LRR1: variants seen among roughly 807,000 people sequenced by gnomAD.
The protein encoded by LRR1 is leucine rich repeat protein 1.
Under a neutral mutation model 31.6 loss-of-function variants are expected in LRR1, and 29 were observed. That is an observed-to-expected ratio of 0.92 (90% CI 0.68 to 1.25). The LOEUF (loss-of-function observed/expected upper bound fraction) is 1.25. Ranked by LOEUF, LRR1 falls within the 50% of genes most tolerant of loss-of-function variation. LRR1 has a pLI of 0.00. For synonymous variants in LRR1, 179 were observed against 181.4 expected (o/e 0.99, Z 0.10); for missense variants, 485 against 487.2 (o/e 1.00, Z 0.04).
chr14:49,600,020 G>T, intron 1 of LRR1: 1 of 1,609,320 alleles, frequency 6.2e-7, no homozygotes, highest in Non-Finnish European at 8.5e-7. Context: ...GCGCGCTGAT[G>T]CTCAAGTGCG....
At position 49,614,569 on chromosome 14, in the gene LRR1, T is replaced by C. The variant is rs949492592; in HGVS notation, c.*73T>C. On this transcript the variant is annotated 3_prime_UTR_variant, in exon 4 of 4. Transcript: ENST00000298288. ...GCATGTATGATTTTGCAGCGTCAAA[T>C]TGGAGTAAGGGAAGATTTCTGTATA... 8 of 1,587,176 alleles carry C rather than the reference T, an allele frequency of 5.0e-6. No homozygotes were observed. The highest frequency in any genetic ancestry group is 2.7e-5 in the African/African-American group (2 of 74,430).
intron 3 of LRR1, among the ~76,000 whole-genome samples, chr14:49,610,945 A>C (rs1179418568): frequency 6.6e-6 from 1 of 152,208 alleles, no homozygotes; most frequent in Non-Finnish European, 1.5e-5. Flanking sequence ...TAGAAAGATC[A>C]TATTTCAAAT....
intron 2 of LRR1, 81 bp downstream of exon 2, chr14:49,602,549 C>T: frequency 8.4e-7 from 1 of 1,187,442 alleles, no homozygotes; most frequent in Non-Finnish European, 1.2e-6. Context: ...TTCTGTCACC[C>T]AAGCTGAAGT....
In LRR1 at chr14:49,599,125, G is replaced by A. The variant is rs1881932201; in HGVS notation, c.105G>A (p.Gln35=). ...GVRAVLSLCQ[Q]TSRSQPPVRA... Reference sequence around the variant, plus strand: ...GAGCCGTGTTGAGCCTCTGTCAGCAGACTTCCAGGAGTCAGCCGCCGGTCC... The same window carrying A: ...GAGCCGTGTTGAGCCTCTGTCAGCAAACTTCCAGGAGTCAGCCGCCGGTCC... The change falls in exon 1 of 4, where the codon CAG becomes CAA. Residue 35 remains glutamine (Q), a synonymous_variant. Transcript: ENST00000298288. The A allele has an allele frequency of 6.2e-7, 1 of 1,608,806 alleles. No homozygotes were observed. Among genetic ancestry groups the A allele is most frequent in the African/African-American group, 1.3e-5 (1 of 74,882 alleles).
chr14:49,599,345 A>T, intron 1 of LRR1, 142 bp downstream of exon 1: 1 of 927,326 alleles, frequency 1.1e-6, no homozygotes, highest in Non-Finnish European at 1.6e-6. Context: ...CTTGAGACCT[A>T]CCATCAGCCC....
intron 2 of LRR1, among the ~76,000 whole-genome samples, chr14:49,605,308 T>C (rs565285986): frequency 6.6e-6 from 1 of 152,354 alleles, no homozygotes; most frequent in South Asian, 2.1e-4. Context: ...CTTGTGATTT[T>C]TCATTTTTTT....
At position 49,614,269 on chromosome 14, in the gene LRR1, T is replaced by C. The variant is rs571998155; in HGVS notation, c.1018T>C (p.Ser340Pro). 7 of 1,612,940 alleles carry C rather than the reference T, an allele frequency of 4.3e-6. No individual in the cohort carries two copies. The African/African-American group carries it at 9.3e-5, about 21-fold the overall frequency. ...TILHNRIPYG[S>P]HIIPFHLCQD... ...TCTTTCCAATAGGATTCCATATGGCTCTCATATCATTCCATTCCATCTCTG... is the reference window on the plus strand; with the variant it reads ...TCTTTCCAATAGGATTCCATATGGCCCTCATATCATTCCATTCCATCTCTG... The change falls in exon 4 of 4, where the codon TCT becomes CCT. Residue 340 changes from serine to proline, a missense_variant. Coordinates refer to ENST00000298288, the MANE Select transcript of LRR1 (RefSeq NM_152329.4).
chr14:49,612,513 C>CA (rs1252897425), intron 3 of LRR1: 5 of 1,253,104 alleles, frequency 4.0e-6, no homozygotes, highest in African/African-American at 1.6e-5. Flanking sequence ...ATGTGGGAGA[C>CA]ACTCCCTGGC....
At chr14:49,601,383 T>C (rs879579669) in intron 1 of LRR1, among the ~76,000 whole-genome samples, 4 of 152,196 alleles carry the variant, frequency 2.6e-5, no homozygotes, top group Admixed American at 1.3e-4. Flanking sequence ...CCTATTAGAG[T>C]ACCTGGTACA....
intron 3 of LRR1, 40 bp downstream of exon 3, chr14:49,608,161 G>A (rs750977096): frequency 9.3e-6 from 14 of 1,498,514 alleles, no homozygotes; most frequent in East Asian, 2.3e-5. Flanking sequence ...GTCTTTGATA[G>A]CATTCTAATA....
chr14:49,605,812 C>T (rs1451150735), intron 2 of LRR1, among the ~76,000 whole-genome samples: 2 of 152,094 alleles, frequency 1.3e-5, no homozygotes, highest in East Asian at 3.9e-4. Context: ...TTTATTGTAC[C>T]TAGTTGACCC....
chr14:49,601,875 G>A (rs1377449427), intron 1 of LRR1, among the ~76,000 whole-genome samples: 3 of 150,022 alleles, frequency 2.0e-5, no homozygotes, highest in Non-Finnish European at 4.4e-5. Flanking sequence ...GCTCATGCCT[G>A]TAATCCCAGC....
At chr14:49,609,230 T>TTC (rs1882418215) in intron 3 of LRR1, among the ~76,000 whole-genome samples, 1 of 104,330 alleles carries the variant, frequency 9.6e-6, no homozygotes, top group Non-Finnish European at 2.0e-5. Flanking sequence ...TTTTTTTTTT[T>TTC]TTTTTTTTTT....
Position 49,602,376 on chromosome 14 carries a change from G to A in LRR1, c.190G>A (p.Glu64Lys). The change falls in exon 2 of 4, where the codon GAG (glutamate) becomes AAG (lysine). Residue 64 changes from glutamate (E) to lysine (K), a missense_variant. Physicochemically the swap from Glu to Lys is moderately conservative, Grantham distance 56. Transcript: ENST00000298288. ...TTCTATTGGTTTTATGCAGCTAAGG[G>A]AGAACATTGAGCAATTCTTCACCAA... ...DKRGTRYELRENIEQFFTKFV... is the reference protein window; with the variant it reads ...DKRGTRYELRKNIEQFFTKFV... 6.2e-7 allele frequency: 1 copy of A among 1,613,006 alleles called. No homozygotes were observed. The highest frequency in any genetic ancestry group is 1.1e-5 in the South Asian group (1 of 91,054).
chr14:49,600,247 T>G, intron 1 of LRR1: 1 of 1,487,966 alleles, frequency 6.7e-7, no homozygotes. Flanking sequence ...GACGTCTTCC[T>G]TATATGCTTC....
intron 1 of LRR1, chr14:49,600,158 G>A (rs1315841696): frequency 6.0e-6 from 9 of 1,496,396 alleles, no homozygotes; most frequent in Admixed American, 1.7e-5. Flanking sequence ...TGGGGGGCAA[G>A]CAGTACCTCC....
intron 2 of LRR1, among the ~76,000 whole-genome samples, chr14:49,606,459 T>G (rs1309594935): frequency 7.0e-6 from 1 of 142,926 alleles, no homozygotes; most frequent in African/African-American, 2.6e-5. Context: ...CTGCCTCAGC[T>G]TCCTGACTAG....
At chr14:49,608,790 G>A (rs568456931) in intron 3 of LRR1, among the ~76,000 whole-genome samples, 1 of 151,330 alleles carries the variant, frequency 6.6e-6, no homozygotes, top group Admixed American at 6.6e-5. Context: ...TCTTCCAAGT[G>A]ATTTTGATGT....
chr14:49,611,661 G>A (rs1594592059), intron 3 of LRR1, among the ~76,000 whole-genome samples: 1 of 152,108 alleles, frequency 6.6e-6, no homozygotes, highest in South Asian at 2.1e-4. Flanking sequence ...AGTGGCTCAC[G>A]CCTGTAATCC....
Sources: gnomAD v4.1 joint callset for allele counts (sites outside exome capture counted in the v4.1 genomes callset) on GRCh38, gnomAD v4.1.1 for gene constraint, MANE v1.5 for transcripts, NCBI Gene and HGNC (gene_info 2026-07-23, HGNC 2026-07-21) for gene names.